The following NFIB variants were observed in gnomAD, a reference collection of about 807,000 sequenced individuals.
NFIB encodes nuclear factor 1 B-type.
In NFIB, 11 loss-of-function variants were observed where a neutral mutation model predicts 61.5. The ratio of observed to expected loss-of-function variants is 0.18; its 90% CI spans 0.11 to 0.30. The LOEUF is 0.30. Among genes scored for constraint, NFIB ranks in the 10% least tolerant of loss-of-function variants. NFIB has a pLI of 1.00. For synonymous variants in NFIB, 260 were observed against 216.5 expected (o/e 1.20, Z -1.76); for missense variants, 471 against 608.9 (o/e 0.77, Z 2.38).
chr9:14,092,985 T>C (rs531416166), intron 10 of NFIB, among the ~76,000 whole-genome samples: 2 of 152,162 alleles, frequency 1.3e-5, no homozygotes, highest in African/African-American at 2.4e-5. Flanking sequence ...TCTGGTTATG[T>C]TTTTTTAAAA....
chr9:14,441,943 T>C, the NFIB span, among the ~76,000 whole-genome samples: 2 of 152,242 alleles, frequency 1.3e-5, no homozygotes, highest in African/African-American at 2.4e-5. Flanking sequence ...CCATGAATGA[T>C]TGTTTTAAAA....
At chr9:14,531,103 G>A in the NFIB span, among the ~76,000 whole-genome samples, 1 of 152,016 alleles carries the variant, frequency 6.6e-6, no homozygotes, top group African/African-American at 2.4e-5. Context: ...GCACTTTTTG[G>A]ATGTGAAAGG....
upstream of NFIB, among the ~76,000 whole-genome samples, chr9:14,315,314 C>T (rs1194441951): frequency 1.3e-5 from 2 of 151,164 alleles, no homozygotes; most frequent in Non-Finnish European, 3.0e-5. Context: ...GGGGGTGCCC[C>T]GTGCACGTGG....
intron 1 of NFIB, among the ~76,000 whole-genome samples, chr9:14,336,695 G>C (rs58106591): frequency 1.3e-5 from 2 of 152,184 alleles, no homozygotes; most frequent in African/African-American, 4.8e-5. Context: ...TGCTTAGAAA[G>C]CTCCTGTGCT....
the NFIB span, among the ~76,000 whole-genome samples, chr9:14,492,567 G>A: frequency 6.6e-6 from 1 of 152,132 alleles, no homozygotes; most frequent in Middle Eastern, 3.4e-3. Flanking sequence ...GCCAGAGCAG[G>A]AAGAAGAGGG....
chr9:14,279,063 C>CAG (rs1225338504), intron 2 of NFIB, among the ~76,000 whole-genome samples: 2 of 151,998 alleles, frequency 1.3e-5, no homozygotes, highest in Non-Finnish European at 2.9e-5. Flanking sequence ...CATACACACA[C>CAG]AGAGAGAGAG....
intron 10 of NFIB, among the ~76,000 whole-genome samples, chr9:14,110,330 T>C (rs1333447759): frequency 6.6e-6 from 1 of 152,080 alleles, no homozygotes; most frequent in Non-Finnish European, 1.5e-5. Context: ...GATAAATCTT[T>C]ATAAAGCAGC....
At chr9:14,170,784 G>A (rs1030583804) in intron 3 of NFIB, among the ~76,000 whole-genome samples, 2 of 152,134 alleles carry the variant, frequency 1.3e-5, no homozygotes, top group East Asian at 1.9e-4. Context: ...CCTCCCTTAA[G>A]GGGAACCTAG....
chr9:14,258,723 A>C (rs188266849), intron 2 of NFIB, among the ~76,000 whole-genome samples: 1 of 152,242 alleles, frequency 6.6e-6, no homozygotes, highest in Non-Finnish European at 1.5e-5. Flanking sequence ...CGTGCTTTTA[A>C]AAGTTTTACA....
intron 2 of NFIB, among the ~76,000 whole-genome samples, chr9:14,193,828 C>T (rs1458150665): frequency 6.6e-6 from 1 of 152,096 alleles, no homozygotes; most frequent in African/African-American, 2.4e-5. Context: ...AACGGAAAAA[C>T]ATACAGCATC....
the NFIB span, among the ~76,000 whole-genome samples, chr9:14,418,289 C>T: frequency 3.9e-5 from 6 of 152,160 alleles, no homozygotes; most frequent in South Asian, 2.1e-4. Flanking sequence ...TCTCACAGCC[C>T]CCTGGCTTTC....
chr9:14,172,942 G>A (rs1347511627), intron 3 of NFIB, among the ~76,000 whole-genome samples: 1 of 151,998 alleles, frequency 6.6e-6, no homozygotes, highest in Non-Finnish European at 1.5e-5. Context: ...GCTAATTTTT[G>A]TATTTTTAGT....
chr9:14,093,777 G>A (rs766003421), intron 10 of NFIB, among the ~76,000 whole-genome samples: 2 of 151,940 alleles, frequency 1.3e-5, no homozygotes, highest in African/African-American at 4.8e-5. Context: ...GGGTGCATTC[G>A]GACTGGTTGC....
chr9:14,305,132 T>C (rs779656212), intron 2 of NFIB, among the ~76,000 whole-genome samples: 1 of 152,220 alleles, frequency 6.6e-6, no homozygotes, highest in East Asian at 1.9e-4. Context: ...AAGGCATTTA[T>C]GCGTTTTTTT....
chr9:14,494,044 T>C, the NFIB span, among the ~76,000 whole-genome samples: 1 of 152,208 alleles, frequency 6.6e-6, no homozygotes, highest in Admixed American at 6.5e-5. Context: ...GTTTGGCTGA[T>C]ACATGAGACA....
intron 2 of NFIB, among the ~76,000 whole-genome samples, chr9:14,194,852 C>T (rs1231189728): frequency 6.6e-6 from 1 of 152,032 alleles, no homozygotes; most frequent in East Asian, 1.9e-4. Context: ...TATCCACTTA[C>T]CAATTTCACA....
chr9:14,358,976 C>G (rs1465298457), intron 1 of NFIB, among the ~76,000 whole-genome samples: 1 of 152,200 alleles, frequency 6.6e-6, no homozygotes, highest in Admixed American at 6.5e-5. Flanking sequence ...TTACTTACAT[C>G]TGTTGGATCT....
At chr9:14,473,960 T>C in the NFIB span, among the ~76,000 whole-genome samples, 1 of 152,212 alleles carries the variant, frequency 6.6e-6, no homozygotes, top group Non-Finnish European at 1.5e-5. Flanking sequence ...TAGAAGTCAC[T>C]GTGCAGAGTC....
At chr9:14,141,506 C>T (rs563149151) in intron 6 of NFIB, among the ~76,000 whole-genome samples, 3 of 152,208 alleles carry the variant, frequency 2.0e-5, no homozygotes, top group Admixed American at 6.5e-5. Flanking sequence ...TCGGTTCTCT[C>T]ATAATCTTAT....
Sources: allele counts gnomAD v4.1 joint callset (sites outside exome capture counted in the v4.1 genomes callset), GRCh38; gene constraint gnomAD v4.1.1; transcripts MANE v1.5; gene names NCBI Gene and HGNC (gene_info 2026-07-23, HGNC 2026-07-21).